The following NIM1K variants were observed in gnomAD, a reference collection of about 807,000 sequenced individuals.
NIM1K encodes the protein NIM1 serine/threonine protein kinase.
In NIM1K, 35 loss-of-function variants were observed where a neutral mutation model predicts 37.1. That is an observed-to-expected ratio of 0.94 (90% CI 0.72 to 1.25). The LOEUF (loss-of-function observed/expected upper bound fraction) is 1.25, where lower values mean the gene tolerates loss of function less well. Ranked by LOEUF, NIM1K falls within the 50% of genes most tolerant of loss-of-function variation. The pLI is 0.00. For missense variants in NIM1K, 564 were observed against 548.0 expected (o/e 1.03, Z -0.29); for synonymous variants, 234 against 206.6 (o/e 1.13, Z -1.14).
Position 43,277,079 on chromosome 5 carries a change from G to T in NIM1K, c.315G>T (p.Leu105=), listed in dbSNP as rs756480066. Residue 105 remains leucine, a synonymous_variant, in exon 3 of 4, where the codon CTG becomes CTT. Coordinates refer to ENST00000326035, the MANE Select transcript of NIM1K (RefSeq NM_153361.4). ...LTKEKVAIKI[L]DKTKLDQKTQ... Reference sequence around the variant, plus strand: ...CAGAAAAGGTGGCCATTAAGATCCTGGACAAGACCAAGTTAGACCAGAAAA... The same window carrying T: ...CAGAAAAGGTGGCCATTAAGATCCTTGACAAGACCAAGTTAGACCAGAAAA... The T allele has an allele frequency of 6.2e-7, 1 of 1,613,908 alleles. No homozygotes were observed. The highest frequency in any genetic ancestry group is 8.5e-7 in the Non-Finnish European group (1 of 1,179,962).
chr5:43,218,896 A>C (rs573262578), intron 1 of NIM1K, among the ~76,000 whole-genome samples: 2 of 151,732 alleles, frequency 1.3e-5, no homozygotes, highest in Non-Finnish European at 2.9e-5. Flanking sequence ...CTGTGTACCC[A>C]CCCAAATCTC....
intron 2 of NIM1K, among the ~76,000 whole-genome samples, chr5:43,254,552 T>G (rs1448614556): frequency 2.6e-5 from 4 of 152,234 alleles, no homozygotes; most frequent in Non-Finnish European, 5.9e-5. Context: ...AAATATTTGG[T>G]GAGTTAAGTT....
chr5:43,221,823 C>G (rs1185478902), intron 1 of NIM1K, among the ~76,000 whole-genome samples: 2 of 152,188 alleles, frequency 1.3e-5, no homozygotes, highest in Non-Finnish European at 2.9e-5. Flanking sequence ...TACAGAGAAA[C>G]CATTAGGCTG....
intron 1 of NIM1K, among the ~76,000 whole-genome samples, chr5:43,197,941 T>C (rs1177903979): frequency 6.6e-6 from 1 of 152,230 alleles, no homozygotes; most frequent in Non-Finnish European, 1.5e-5. Context: ...TTAAAAATAA[T>C]GTTTGTTGAA....
At position 43,220,334 on chromosome 5, in the gene NIM1K, A is replaced by G. The variant is rs372591082; in HGVS notation, c.-694-24748A>G. Among the ~76,000 whole-genome samples the G allele has an allele frequency of 2.1e-4, 29 of 137,490 alleles. No individual in the cohort carries two copies. In the East Asian group the frequency reaches 5.0e-3, roughly 23 times the overall value. The allele number at this position is 137,490 out of a possible 152,430, so 90.2% of individuals were successfully genotyped here. A position where few individuals can be genotyped will look rare whatever the true frequency, so the allele number is the denominator to read the frequency against. On this transcript the variant is annotated intron_variant, in intron 1 of 3. Transcript: ENST00000326035. Reference sequence around the variant, plus strand: ...TTGGAGATGGAGTCTCACCCAGGCTATAGTGCGGTGGCACCATCTCAGCAC... The same window carrying G: ...TTGGAGATGGAGTCTCACCCAGGCTGTAGTGCGGTGGCACCATCTCAGCAC...
intron 1 of NIM1K, among the ~76,000 whole-genome samples, chr5:43,205,785 T>C (rs1752101172): frequency 6.6e-6 from 1 of 152,162 alleles, no homozygotes; most frequent in South Asian, 2.1e-4. Flanking sequence ...CGATCTTGGC[T>C]CACTGCAAGC....
chr5:43,233,579 TAG>T (rs1561081601), intron 1 of NIM1K, among the ~76,000 whole-genome samples: 1 of 152,236 alleles, frequency 6.6e-6, no homozygotes, highest in African/African-American at 2.4e-5. Flanking sequence ...GTTACCCTGA[TAG>T]ACTTTCTTGA....
At chr5:43,232,117 G>A in intron 1 of NIM1K, 1 of 1,048,304 alleles carries the variant, frequency 9.5e-7, no homozygotes, top group Admixed American at 1.8e-5. Flanking sequence ...TGCCAACCTT[G>A]AAGCCAGGGG....
At position 43,232,156 on chromosome 5, in the gene NIM1K, T is replaced by G; in HGVS notation, c.-694-12926T>G. ...CCAAACCACAAATTAGATGATACAC[T>G]TGGTCTTGATTGATGGTGGCAATGG... On this transcript the variant is annotated intron_variant, in intron 1 of 3. Coordinates refer to ENST00000326035, the MANE Select transcript of NIM1K (RefSeq NM_153361.4). 10 of 988,634 alleles carry G rather than the reference T, an allele frequency of 1.0e-5. No homozygotes were observed. In the South Asian group the frequency reaches 1.3e-4, roughly 12 times the overall value. 61.2% of individuals were successfully genotyped at this position (988,634 alleles called of 1,614,324 possible). A position where few individuals can be genotyped will look rare whatever the true frequency, so the allele number is the denominator to read the frequency against.
chr5:43,228,426 C>G (rs28425551), intron 1 of NIM1K, among the ~76,000 whole-genome samples: 149,240 of 152,180 alleles, frequency 0.98, 73,240 homozygotes, highest in Middle Eastern at 1. Context: ...GATTACAGGC[C>G]TGAGCCACCG....
intron 3 of NIM1K, among the ~76,000 whole-genome samples, chr5:43,277,779 CGTGTGTGTGTGTGTGTGT>C (rs765779433): frequency 1.6e-5 from 2 of 127,444 alleles, no homozygotes; most frequent in Non-Finnish European, 3.2e-5. Context: ...CCCCCCTCTC[CGTGTGTGTGTGTGTGTGT>C]GTGTGTGTGT....
At chr5:43,227,142 C>A (rs1451049884) in intron 1 of NIM1K, among the ~76,000 whole-genome samples, 1 of 152,144 alleles carries the variant, frequency 6.6e-6, no homozygotes, top group African/African-American at 2.4e-5. Flanking sequence ...AGGCGGATCA[C>A]CTGAGGTCAG....
In NIM1K at chr5:43,195,573, T is replaced by C. The variant is rs6869639; in HGVS notation, c.-695+3162T>C. On this transcript the variant is annotated intron_variant, in intron 1 of 3. Coordinates refer to ENST00000326035, the MANE Select transcript of NIM1K (RefSeq NM_153361.4). ...TACTGGGGAGACTGAGGGAGGAGGA[T>C]TGCTTGAGCCTGGGAGGTTCAAGGC... Among the ~76,000 whole-genome samples the C allele has an allele frequency of 5.3e-3, 799 of 151,098 alleles. 4 individuals are homozygous for C. Among genetic ancestry groups the C allele is most frequent in the African/African-American group, 0.019 (767 of 41,114 alleles).
chr5:43,273,147 C>T (rs1364457129), intron 2 of NIM1K, among the ~76,000 whole-genome samples: 1 of 152,012 alleles, frequency 6.6e-6, no homozygotes, highest in African/African-American at 2.4e-5. Context: ...TAGACTCCCA[C>T]TTGCTCCCAG....
rs1354094904 is a variant in NIM1K at position 43,198,143 on chromosome 5, C to A, written c.-695+5732C>A. On this transcript the variant is annotated intron_variant, in intron 1 of 3. Coordinates refer to ENST00000326035, the MANE Select transcript of NIM1K (RefSeq NM_153361.4). Reference sequence around the variant, plus strand: ...CCTGGCCAATATGATTTCTTTCTTTCTTTCTTTCTTTCTTTCTTTCTTTCT... The same window carrying A: ...CCTGGCCAATATGATTTCTTTCTTTATTTCTTTCTTTCTTTCTTTCTTTCT... Among the ~76,000 whole-genome samples, 249 of 44,392 alleles carry A rather than the reference C, an allele frequency of 5.6e-3. 1 individual carries two copies. Among genetic ancestry groups the A allele is most frequent in the African/African-American group, 0.018 (231 of 12,954 alleles). The allele number at this position is 44,392 out of a possible 152,430, so 29.1% of individuals were successfully genotyped here.
chr5:43,243,186 T>C (rs1417416943), intron 1 of NIM1K, among the ~76,000 whole-genome samples: 1 of 152,220 alleles, frequency 6.6e-6, no homozygotes, highest in Non-Finnish European at 1.5e-5. Context: ...CAGTAAGTTC[T>C]TCAGAGAGTC....
In NIM1K at chr5:43,245,680, T is replaced by A; in HGVS notation, c.-96T>A. On this transcript the variant is annotated 5_prime_UTR_variant, in exon 2 of 4. Coordinates refer to ENST00000326035, the MANE Select transcript of NIM1K (RefSeq NM_153361.4). ...AAAACTCTTTTGAACCCTGGGCACCTGCTGTCCTCAGTTGGCATCTCCCAC... is the reference window on the plus strand; with the variant it reads ...AAAACTCTTTTGAACCCTGGGCACCAGCTGTCCTCAGTTGGCATCTCCCAC... 1 of 1,215,652 alleles carries A rather than the reference T, an allele frequency of 8.2e-7. No homozygotes were observed. Among genetic ancestry groups the A allele is most frequent in the Non-Finnish European group, 1.1e-6 (1 of 872,388 alleles). The allele number at this position is 1,215,652 out of a possible 1,614,324, so 75.3% of individuals were successfully genotyped here.
intron 1 of NIM1K, among the ~76,000 whole-genome samples, chr5:43,209,692 C>T (rs935240864): frequency 6.6e-6 from 1 of 152,050 alleles, no homozygotes; most frequent in Non-Finnish European, 1.5e-5. Context: ...GATGTCAGCT[C>T]ACTGCAAACT....
chr5:43,260,842 T>C (rs1209078941), intron 2 of NIM1K, among the ~76,000 whole-genome samples: 1 of 152,130 alleles, frequency 6.6e-6, no homozygotes, highest in Non-Finnish European at 1.5e-5. Flanking sequence ...TTCCCACCTA[T>C]GAGTGAGAAC....
Sources: allele counts gnomAD v4.1 joint callset (sites outside exome capture counted in the v4.1 genomes callset), GRCh38; gene constraint gnomAD v4.1.1; transcripts MANE v1.5; gene names NCBI Gene and HGNC (gene_info 2026-07-23, HGNC 2026-07-21).